PIP5K1B: variants seen among roughly 807,000 people sequenced by gnomAD.
PIP5K1B encodes the protein phosphatidylinositol-4-phosphate 5-kinase type 1 beta, also known as phosphatidylinositol 4-phosphate 5-kinase type-1 beta.
PIP5K1B carries 42 observed loss-of-function variants against 67.0 expected under a neutral mutation model. That is an observed-to-expected ratio of 0.63 (90% CI 0.49 to 0.81). The LOEUF (loss-of-function observed/expected upper bound fraction) is 0.81. PIP5K1B is among the 30% of genes least tolerant of loss of function. The pLI is 0.00. For synonymous variants in PIP5K1B, 214 were observed against 231.4 expected, an observed-to-expected ratio of 0.92 and a Z score of 0.68; for missense variants, 459 against 646.3, an observed-to-expected ratio of 0.71 and a Z score of 3.14.
At chr9:68,785,306 A>G (rs376684545) in intron 2 of PIP5K1B, among the ~76,000 whole-genome samples, 2 of 152,294 alleles carry the variant, frequency 1.3e-5, no homozygotes, top group East Asian at 3.9e-4. Context: ...CAGCCATGAC[A>G]AAGTATAGAG....
chr9:68,897,158 A>G (rs1026101882), intron 8 of PIP5K1B, among the ~76,000 whole-genome samples: 1 of 152,184 alleles, frequency 6.6e-6, no homozygotes, highest in Non-Finnish European at 1.5e-5. Flanking sequence ...AGCACCTATC[A>G]ATCAGGAATC....
chr9:68,885,636 G>A (rs1329402298), intron 6 of PIP5K1B, among the ~76,000 whole-genome samples: 2 of 143,726 alleles, frequency 1.4e-5, no homozygotes, highest in African/African-American at 5.0e-5. Flanking sequence ...TAAGCTATGG[G>A]TATGCAAAGG....
chr9:68,804,731 A>G (rs376098494), intron 2 of PIP5K1B, among the ~76,000 whole-genome samples: 2 of 152,002 alleles, frequency 1.3e-5, no homozygotes, highest in East Asian at 1.9e-4. Flanking sequence ...CACTGGAACT[A>G]CAGGTGTGCA....
At chr9:68,735,333 T>C (rs1828681977) in intron 1 of PIP5K1B, among the ~76,000 whole-genome samples, 1 of 136,238 alleles carries the variant, frequency 7.3e-6, no homozygotes, top group Admixed American at 7.6e-5. Flanking sequence ...TTTTTTTTTT[T>C]TTTTTTTTTT....
At position 68,875,295 on chromosome 9, in the gene PIP5K1B, C is replaced by CAAAAAAAAAAA. The variant is rs147022066; in HGVS notation, c.201-1361_201-1351dup. Among the ~76,000 whole-genome samples, 4 of 44,874 alleles carry CAAAAAAAAAAA rather than the reference C, an allele frequency of 8.9e-5. 1 individual carries two copies. The highest frequency in any genetic ancestry group is 2.9e-4 in the African/African-American group (3 of 10,184). 29.4% of individuals were successfully genotyped at this position (44,874 alleles called of 152,430 possible). ...GCCAGCTCCATCCTCTGGTACTCAG[C>CAAAAAAAAAAA]AAAAAAAAAAAAAAAAAAAAAAAAA... On this transcript the variant is annotated intron_variant, in intron 5 of 15. Coordinates refer to ENST00000265382, the MANE Select transcript of PIP5K1B (RefSeq NM_003558.4).
At chr9:68,943,661 A>T (rs1235996099) in intron 14 of PIP5K1B, among the ~76,000 whole-genome samples, 1 of 149,818 alleles carries the variant, frequency 6.7e-6, no homozygotes, top group Admixed American at 6.7e-5. Context: ...CATTGAAAAG[A>T]AAAAAAAAAG....
intron 15 of PIP5K1B, among the ~76,000 whole-genome samples, chr9:69,007,779 C>A (rs758257632): frequency 9.2e-5 from 14 of 151,666 alleles, no homozygotes; most frequent in Non-Finnish European, 1.3e-4. Flanking sequence ...ATCTCATGTA[C>A]GTGGGAGGCA....
At chr9:68,989,734 C>T (rs1830274879) in intron 14 of PIP5K1B, among the ~76,000 whole-genome samples, 1 of 152,112 alleles carries the variant, frequency 6.6e-6, no homozygotes, top group Non-Finnish European at 1.5e-5. Flanking sequence ...ATTTCTGGCA[C>T]TTTGGGAGGC....
At chr9:68,780,817 T>A in intron 2 of PIP5K1B, 1 of 1,614,236 alleles carries the variant, frequency 6.2e-7, no homozygotes, top group Non-Finnish European at 8.5e-7. Flanking sequence ...AAGAGATTTT[T>A]CCAGGGCATC....
intron 1 of PIP5K1B, among the ~76,000 whole-genome samples, chr9:68,709,678 G>A (rs186474226): frequency 2.2e-4 from 33 of 152,310 alleles, no homozygotes; most frequent in African/African-American, 5.8e-4. Flanking sequence ...ATGGGAGGCC[G>A]AGGTGGGCGA....
At chr9:68,737,805 G>A (rs924167132) in intron 1 of PIP5K1B, among the ~76,000 whole-genome samples, 1 of 152,226 alleles carries the variant, frequency 6.6e-6, no homozygotes, top group African/African-American at 2.4e-5. Context: ...GTCCAGAGAA[G>A]AGATTGCATT....
chr9:68,740,591 T>G (rs1408766559), intron 1 of PIP5K1B, among the ~76,000 whole-genome samples: 1 of 152,216 alleles, frequency 6.6e-6, no homozygotes, highest in African/African-American at 2.4e-5. Context: ...GAGTTCAAAC[T>G]TCATAACTAG....
At chr9:68,707,770 T>C (rs1827192254) in intron 1 of PIP5K1B, 1 of 152,168 alleles carries the variant, frequency 6.6e-6, no homozygotes, top group Non-Finnish European at 1.5e-5. Context: ...TCATGGAAAC[T>C]GCAATACACA....
At chr9:68,950,753 A>G (rs771601655) in intron 14 of PIP5K1B, among the ~76,000 whole-genome samples, 4 of 152,156 alleles carry the variant, frequency 2.6e-5, no homozygotes, top group Admixed American at 6.5e-5. Flanking sequence ...GTAACAAACA[A>G]TTTCTTCCAA....
chr9:68,745,061 T>G (rs947919557), intron 2 of PIP5K1B, among the ~76,000 whole-genome samples: 2 of 152,198 alleles, frequency 1.3e-5, no homozygotes, highest in African/African-American at 4.8e-5. Flanking sequence ...GTCGTTTCCT[T>G]TGGCTTGTCC....
chr9:68,777,649 A>C (rs1830984586), intron 2 of PIP5K1B, among the ~76,000 whole-genome samples: 1 of 152,220 alleles, frequency 6.6e-6, no homozygotes, highest in Non-Finnish European at 1.5e-5. Flanking sequence ...TCAGGCAAGA[A>C]CCAAATAGCA....
At chr9:68,909,807 A>T (rs73461629) in intron 8 of PIP5K1B, among the ~76,000 whole-genome samples, 4,363 of 152,278 alleles carry the variant, frequency 0.029, 192 homozygotes, top group African/African-American at 0.094. Context: ...TCTTTCTGCA[A>T]TGTTAGTACC....
intron 4 of PIP5K1B, among the ~76,000 whole-genome samples, chr9:68,843,776 A>G (rs1246758764): frequency 1.3e-5 from 2 of 152,196 alleles, no homozygotes; most frequent in African/African-American, 4.8e-5. Context: ...GCCATATACC[A>G]TGCCAGGTTT....
intron 15 of PIP5K1B, among the ~76,000 whole-genome samples, chr9:69,000,886 GA>G (rs1028996151): frequency 1.7e-4 from 24 of 143,438 alleles, no homozygotes; most frequent in African/African-American, 6.1e-4. Context: ...GGCTTGATGG[GA>G]GCACAACTTT....
Sources: allele counts gnomAD v4.1 joint callset (sites outside exome capture counted in the v4.1 genomes callset), GRCh38; gene constraint gnomAD v4.1.1; transcripts MANE v1.5; gene names NCBI Gene and HGNC (gene_info 2026-07-23, HGNC 2026-07-21).